PRKCH: variants seen among roughly 807,000 people sequenced by gnomAD.
PRKCH encodes protein kinase C eta, also known as protein kinase C eta type.
A neutral mutation model predicts 82.5 loss-of-function variants in PRKCH; 28 were observed. The observed-to-expected ratio is 0.34, with a 90% CI of 0.25 to 0.47. The LOEUF (loss-of-function observed/expected upper bound fraction) is 0.47, where lower values mean the gene tolerates loss of function less well. Among genes scored for constraint, PRKCH ranks in the 20% least tolerant of loss-of-function variants. The probability of loss-of-function intolerance (pLI) is 1.00; values close to 1 mark genes in which losing one functional copy is unlikely to be tolerated. For missense variants in PRKCH, 705 were observed against 881.8 expected, an observed-to-expected ratio of 0.80 and a Z score of 2.54; for synonymous variants, 322 against 327.4, an observed-to-expected ratio of 0.98 and a Z score of 0.18.
intron 1 of PRKCH, among the ~76,000 whole-genome samples, chr14:61,360,420 A>T (rs576075309): frequency 1.3e-5 from 2 of 152,090 alleles, no homozygotes; most frequent in Non-Finnish European, 1.5e-5. Context: ...CATGAGAATC[A>T]TTTGAACATG....
intron 2 of PRKCH, among the ~76,000 whole-genome samples, chr14:61,406,328 T>TACAGTTTTTGCGTTGTTA: frequency 5.3e-5 from 1 of 18,944 alleles, no homozygotes; most frequent in Middle Eastern, 0.031. Context: ...TTTGCGTTGT[T>TACAGTTTTTGCGTTGTTA]AGGGGGGCAC....
chr14:61,379,450 C>G (rs1438593143), intron 1 of PRKCH, among the ~76,000 whole-genome samples: 1 of 152,234 alleles, frequency 6.6e-6, no homozygotes, highest in African/African-American at 2.4e-5. Context: ...GCAAACAAGT[C>G]TCTAAAACAT....
intron 10 of PRKCH, chr14:61,492,371 A>G (rs1216814602): frequency 6.6e-6 from 1 of 152,248 alleles, no homozygotes; most frequent in Non-Finnish European, 1.5e-5. Context: ...ATAAAATATT[A>G]GAGCCAGAGG....
In PRKCH at chr14:61,280,308, C is replaced by T. The variant is rs745542523; in HGVS notation, c.-19+92640C>T. On this transcript the variant is annotated intron_variant, in intron 1 of 3. Coordinates refer to the PRKCH transcript ENST00000555185. The surrounding 1 kb of genome is among the most constrained non-coding windows in gnomAD (Gnocchi z 5.0). Reference sequence around the variant, plus strand: ...AGGTGATGTTGACGCGGTAGGCGCCCCGCGGCAGCCCGGCCGAGTAGTTGC... The same window carrying T: ...AGGTGATGTTGACGCGGTAGGCGCCTCGCGGCAGCCCGGCCGAGTAGTTGC... The T allele has an allele frequency of 3.7e-6, 6 of 1,613,882 alleles. No homozygotes were observed. Among genetic ancestry groups the T allele is most frequent in the Non-Finnish European group, 2.5e-6 (3 of 1,179,984 alleles).
At chr14:61,211,096 T>C (rs866452336) in intron 1 of PRKCH, among the ~76,000 whole-genome samples, 2 of 152,286 alleles carry the variant, frequency 1.3e-5, no homozygotes, top group African/African-American at 4.8e-5. Context: ...AACCTGTCTT[T>C]GTCTCTAAAC....
intron 10 of PRKCH, among the ~76,000 whole-genome samples, chr14:61,499,021 C>T (rs986483129): frequency 6.6e-6 from 1 of 152,096 alleles, no homozygotes; most frequent in Non-Finnish European, 1.5e-5. Context: ...TAGACAGGCA[C>T]GAGAGAATAA....
intron 1 of PRKCH, among the ~76,000 whole-genome samples, chr14:61,263,847 T>TTTTGTGTGTG (rs1299610392): frequency 6.9e-6 from 1 of 144,194 alleles, no homozygotes; most frequent in South Asian, 2.3e-4. Flanking sequence ...AGTCAGAGTA[T>TTTTGTGTGTG]TGTGTGTGTG....
At chr14:61,514,078 A>G (rs2042786431) in intron 10 of PRKCH, among the ~76,000 whole-genome samples, 1 of 151,714 alleles carries the variant, frequency 6.6e-6, no homozygotes. Flanking sequence ...CAGCCTGCCT[A>G]CCCTGCTTCA....
chr14:61,449,034 C>T, intron 4 of PRKCH, 130 bp from the exon 5 acceptor site: 1 of 759,182 alleles, frequency 1.3e-6, no homozygotes, highest in South Asian at 1.7e-5. Context: ...AGGATGGGCG[C>T]ACCAGCTGCT....
At chr14:61,457,988 G>A (rs1884856931) in intron 9 of PRKCH, among the ~76,000 whole-genome samples, 1 of 152,238 alleles carries the variant, frequency 6.6e-6, no homozygotes, top group African/African-American at 2.4e-5. Context: ...AGTTACAGCA[G>A]TCTAAGAACA....
chr14:61,368,335 G>A (rs899622090), intron 1 of PRKCH, among the ~76,000 whole-genome samples: 2 of 151,602 alleles, frequency 1.3e-5, no homozygotes, highest in African/African-American at 4.9e-5. Flanking sequence ...AAAAAAAAGA[G>A]AACCGTGTCC....
chr14:61,314,543 C>A (rs982503925), intron 1 of PRKCH, among the ~76,000 whole-genome samples: 1 of 152,222 alleles, frequency 6.6e-6, no homozygotes, highest in African/African-American at 2.4e-5. Context: ...GTTGTCAGTA[C>A]AAAGTGTTAC....
chr14:61,274,438 T>C (rs2045185162), intron 1 of PRKCH, among the ~76,000 whole-genome samples: 1 of 152,210 alleles, frequency 6.6e-6, no homozygotes, highest in African/African-American at 2.4e-5. Flanking sequence ...TTTATGTAGC[T>C]CATTGTGGCT....
At chr14:61,297,028 TTGTAA>T (rs1478763775) in intron 1 of PRKCH, among the ~76,000 whole-genome samples, 3 of 152,218 alleles carry the variant, frequency 2.0e-5, no homozygotes, top group Non-Finnish European at 2.9e-5. Context: ...ATTTTGAAGC[TTGTAA>T]TGTATTAGAT....
intron 1 of PRKCH, among the ~76,000 whole-genome samples, chr14:61,254,509 G>A (rs761063961): frequency 6.6e-6 from 1 of 152,100 alleles, no homozygotes; most frequent in Admixed American, 6.6e-5. Flanking sequence ...CCAGCTACTC[G>A]GGAGGCTGAG....
chr14:61,314,997 G>T (rs1248904757), intron 1 of PRKCH, among the ~76,000 whole-genome samples: 1 of 152,084 alleles, frequency 6.6e-6, no homozygotes, highest in Non-Finnish European at 1.5e-5. Context: ...TTCTTTACTC[G>T]TTCTGCCCAA....
intron 1 of PRKCH, among the ~76,000 whole-genome samples, chr14:61,199,510 A>G (rs1254538684): frequency 6.6e-6 from 1 of 152,222 alleles, no homozygotes; most frequent in Non-Finnish European, 1.5e-5. Flanking sequence ...TAAGAAACTC[A>G]TTCCATATTT....
chr14:61,281,265 T>C, intron 1 of PRKCH: 2 of 552,752 alleles, frequency 3.6e-6, no homozygotes, highest in Non-Finnish European at 2.8e-6. Flanking sequence ...TCCCGCCAGC[T>C]CAGGTGGGTT....
intron 1 of PRKCH, among the ~76,000 whole-genome samples, chr14:61,378,387 T>C (rs776086602): frequency 2.0e-5 from 3 of 151,970 alleles, no homozygotes; most frequent in Non-Finnish European, 4.4e-5. Flanking sequence ...TAATTTTTTT[T>C]ATAGAGATGG....
Sources: gnomAD v4.1 joint callset for allele counts (sites outside exome capture counted in the v4.1 genomes callset) on GRCh38, gnomAD v4.1.1 for gene constraint, Gnocchi (gnomAD v3.1) non-coding constraint, MANE v1.5 for transcripts, NCBI Gene and HGNC (gene_info 2026-07-23, HGNC 2026-07-21) for gene names.